Variants in PAX9 observed in about 807,000 individuals in gnomAD.
PAX9 encodes paired box protein Pax-9.
A neutral mutation model predicts 29.1 loss-of-function variants in PAX9; 6 were observed. The observed-to-expected ratio is 0.21, with a 90% CI of 0.11 to 0.41. PAX9 has a LOEUF of 0.41. PAX9 is among the 10% of genes least tolerant of loss of function. The pLI, the probability that PAX9 is intolerant of heterozygous loss-of-function variation, is 1.00. For synonymous variants in PAX9, 217 were observed against 211.7 expected, an observed-to-expected ratio of 1.03 and a Z score of -0.22; for missense variants, 443 against 479.1, an observed-to-expected ratio of 0.92 and a Z score of 0.70.
chr14:36,666,752 G>A, intron 3 of PAX9, 151 bp downstream of exon 3: 2 of 1,108,288 alleles, frequency 1.8e-6, no homozygotes, highest in South Asian at 1.4e-5. Flanking sequence ...TTCGTGGACT[G>A]GGGCGAAGCA....
Position 36,676,437 on chromosome 14 carries a change from G to A in PAX9, c.1011G>A (p.Thr337=), listed in dbSNP as rs1258890586. 2 of 1,613,382 alleles carry A rather than the reference G, an allele frequency of 1.2e-6. No individual in the cohort carries two copies. Among genetic ancestry groups the A allele is most frequent in the East Asian group, 2.2e-5 (1 of 44,876 alleles). Residue 337 remains threonine (T), a synonymous_variant, in exon 4 of 4, where the codon ACG becomes ACA. Coordinates refer to ENST00000361487, the MANE Select transcript of PAX9 (RefSeq NM_001372076.1). ...QAAREGSHSV[T]ASAL is the part of the protein sequence containing the mutation. ...CCAGAGAAGGTAGTCATTCTGTCAC[G>A]GCTTCCGCGCTCTGATGGGAAATTC...
intron 3 of PAX9, among the ~76,000 whole-genome samples, chr14:36,674,106 C>T (rs1250043893): frequency 2.0e-5 from 3 of 152,172 alleles, no homozygotes; most frequent in Non-Finnish European, 4.4e-5. Context: ...ATTTTTTCCC[C>T]TGTAATTTGA....
intron 3 of PAX9, among the ~76,000 whole-genome samples, chr14:36,672,523 T>G (rs1409768530): frequency 1.3e-5 from 2 of 152,162 alleles, no homozygotes; most frequent in Non-Finnish European, 2.9e-5. Context: ...TTTACTAATG[T>G]TATGTGTCAA....
At chr14:36,666,419 C>G in intron 2 of PAX9, 43 bp from the exon 3 acceptor site, 1 of 1,595,556 alleles carries the variant, frequency 6.3e-7, no homozygotes. Flanking sequence ...GTGGGGCGCG[C>G]GGGCTGGGCC....
intron 2 of PAX9, among the ~76,000 whole-genome samples, chr14:36,665,237 T>C (rs576746791): frequency 6.8e-6 from 1 of 146,698 alleles, no homozygotes; most frequent in South Asian, 2.3e-4. Flanking sequence ...GATCCTACCA[T>C]CAGAGCAAAT....
At chr14:36,669,454 A>T (rs900884411) in intron 3 of PAX9, among the ~76,000 whole-genome samples, 1 of 152,080 alleles carries the variant, frequency 6.6e-6, no homozygotes, top group Non-Finnish European at 1.5e-5. Context: ...AAGCTTTAAA[A>T]TTTTTCCCAC....
intron 3 of PAX9, among the ~76,000 whole-genome samples, chr14:36,671,367 A>C (rs1020875767): frequency 3.3e-5 from 5 of 152,126 alleles, no homozygotes; most frequent in Non-Finnish European, 7.4e-5. Context: ...ATTTTCCTTT[A>C]CTTGGAGGAG....
chr14:36,661,835 T>G (rs1594465696), upstream of PAX9: 2 of 574,840 alleles, frequency 3.5e-6, no homozygotes, highest in South Asian at 2.0e-5. Context: ...CAGTGAGTGA[T>G]AGACGGAGCC....
At chr14:36,670,778 A>G (rs913873396) in intron 3 of PAX9, among the ~76,000 whole-genome samples, 1 of 152,080 alleles carries the variant, frequency 6.6e-6, no homozygotes, top group Non-Finnish European at 1.5e-5. Context: ...AAATTTTTCA[A>G]GGCTATGTCA....
chr14:36,663,308 A>G lies in PAX9; in HGVS notation c.416A>G (p.His139Arg), dbSNP rs754287422. The G allele has an allele frequency of 1.2e-6, 2 of 1,614,188 alleles. No individual in the cohort carries two copies. Among genetic ancestry groups the G allele is most frequent in the Non-Finnish European group, 1.7e-6 (2 of 1,180,038 alleles). ...ATCGGCAACTTGGCCCAGCAGGGTC[A>G]TTACGACTCATACAAGCAGCACCAG... ...NKIGNLAQQG[H>R]YDSYKQHQPT... The change falls in exon 2 of 4, where the codon CAT (histidine) becomes CGT (arginine). Residue 139 changes from histidine (H) to arginine (R), a missense_variant. Coordinates refer to ENST00000361487, the MANE Select transcript of PAX9 (RefSeq NM_001372076.1).
chr14:36,663,589 A>C (rs1258725403), intron 2 of PAX9, 66 bp downstream of exon 2: 2 of 1,588,230 alleles, frequency 1.3e-6, no homozygotes, highest in African/African-American at 2.7e-5. Context: ...CGGAGGTCCC[A>C]GTATCTGCAG....
Position 36,676,549 on chromosome 14 carries a change from C to A in PAX9, c.*97C>A. On this transcript the variant is annotated 3_prime_UTR_variant, in exon 4 of 4. Coordinates refer to ENST00000361487, the MANE Select transcript of PAX9 (RefSeq NM_001372076.1). ...CTCACATCCCACCCCTCCTGCCCTC[C>A]AACCCTTCTGCCTTGAAAGCTGGCT... 7.1e-7 allele frequency: 1 copy of A among 1,403,624 alleles called. No individual in the cohort carries two copies. The highest frequency in any genetic ancestry group is 9.8e-7 in the Non-Finnish European group (1 of 1,016,822). 86.9% of individuals were successfully genotyped at this position (1,403,624 alleles called of 1,614,324 possible). A position where few individuals can be genotyped will look rare whatever the true frequency, so the allele number is the denominator to read the frequency against.
intron 3 of PAX9, among the ~76,000 whole-genome samples, chr14:36,674,169 T>C (rs998840912): frequency 6.6e-6 from 1 of 152,240 alleles, no homozygotes; most frequent in African/African-American, 2.4e-5. Context: ...GTGTCTCCTT[T>C]GAGACATAAT....
chr14:36,667,556 TA>T (rs1881552726), intron 3 of PAX9, among the ~76,000 whole-genome samples: 1 of 152,220 alleles, frequency 6.6e-6, no homozygotes, highest in Non-Finnish European at 1.5e-5. Flanking sequence ...TTTGAAGACT[TA>T]AAATTTTTAA....
chr14:36,663,087 G>C lies in PAX9; in HGVS notation c.195G>C (p.Ser65=), dbSNP rs745548814. ...TGGCGCGATACAACGAGACGGGCTC[G>C]ATCTTGCCAGGAGCCATCGGGGGCA... The part of the protein sequence containing the change: ...KILARYNETG[S]ILPGAIGGSK... Residue 65 remains serine (S), a synonymous_variant, in exon 2 of 4, where the codon TCG becomes TCC. Coordinates refer to ENST00000361487, the MANE Select transcript of PAX9 (RefSeq NM_001372076.1). The C allele has an allele frequency of 1.2e-6, 2 of 1,613,936 alleles. No homozygotes were observed. The highest frequency in any genetic ancestry group is 1.7e-6 in the Non-Finnish European group (2 of 1,180,022).
Position 36,676,375 on chromosome 14 carries a change from A to T in PAX9, c.949A>T (p.Ile317Phe), listed in dbSNP as rs139883801. 4.3e-5 allele frequency: 69 copies of T among 1,614,044 alleles called. No individual in the cohort carries two copies. The highest frequency in any genetic ancestry group is 5.7e-5 in the Non-Finnish European group (67 of 1,180,042). Residue 317 changes from isoleucine (I) to phenylalanine (F), a missense_variant, in exon 4 of 4, where the codon ATT becomes TTT. Coordinates refer to ENST00000361487, the MANE Select transcript of PAX9 (RefSeq NM_001372076.1). The stretch of plus-strand genomic sequence containing the variant: ...CTCATTGTCTCCCCACAACTGTGAC[A>T]TTCCGGCATCGCTGGCGTTCAAGGG... ...GTSLSPHNCD[I>F]PASLAFKGMQ...
chr14:36,664,363 C>G (rs528685762), intron 2 of PAX9, among the ~76,000 whole-genome samples: 1 of 90,474 alleles, frequency 1.1e-5, no homozygotes, highest in East Asian at 4.0e-4. Flanking sequence ...TTGGGGTCCC[C>G]GGGTCCCCGG....
chr14:36,665,111 C>T (rs1881438207), intron 2 of PAX9, among the ~76,000 whole-genome samples: 1 of 144,160 alleles, frequency 6.9e-6, no homozygotes, highest in African/African-American at 2.6e-5. Context: ...ACACAGTTTC[C>T]TGGTGCAAAT....
Position 36,665,247 on chromosome 14 carries a change from T to C in PAX9, c.632-1215T>C, listed in dbSNP as rs139266044. 1.7e-3 allele frequency among the ~76,000 whole-genome samples: 247 copies of C among 148,806 alleles called. 1 individual carries two copies. The highest frequency in any genetic ancestry group is 5.6e-3 in the African/African-American group (223 of 40,060). On this transcript the variant is annotated intron_variant, in intron 2 of 3. Coordinates refer to ENST00000361487, the MANE Select transcript of PAX9 (RefSeq NM_001372076.1). ...CTAGGGATCCTACCATCAGAGCAAATGTCAGTTGGGAAAGTATTGGAGAAT... is the reference window on the plus strand; with the variant it reads ...CTAGGGATCCTACCATCAGAGCAAACGTCAGTTGGGAAAGTATTGGAGAAT...
Sources: gnomAD v4.1 joint callset for allele counts (sites outside exome capture counted in the v4.1 genomes callset) on GRCh38, gnomAD v4.1.1 for gene constraint, MANE v1.5 for transcripts, NCBI Gene and HGNC (gene_info 2026-07-23, HGNC 2026-07-21) for gene names.